ZBTB7C: variants seen among roughly 807,000 people sequenced by gnomAD.
ZBTB7C encodes the protein zinc finger and BTB domain containing 7C.
Under a neutral mutation model 25.7 loss-of-function variants are expected in ZBTB7C, and 8 were observed. The observed-to-expected ratio is 0.31, with a 90% CI of 0.18 to 0.56. ZBTB7C has a LOEUF of 0.56. ZBTB7C is among the 20% of genes least tolerant of loss of function. The pLI is 0.91. For synonymous variants in ZBTB7C, 394 were observed against 369.0 expected, an observed-to-expected ratio of 1.07 and a Z score of -0.78; for missense variants, 824 against 855.2, an observed-to-expected ratio of 0.96 and a Z score of 0.46.
intron 1 of ZBTB7C, among the ~76,000 whole-genome samples, chr18:48,368,880 A>T (rs1383827401): frequency 1.3e-5 from 2 of 152,214 alleles, no homozygotes; most frequent in Non-Finnish European, 2.9e-5. Flanking sequence ...AGGAAAACTA[A>T]GATAATCTGT....
intron 3 of ZBTB7C, among the ~76,000 whole-genome samples, chr18:48,088,009 G>A (rs1195855312): frequency 6.6e-6 from 1 of 152,080 alleles, no homozygotes; most frequent in East Asian, 1.9e-4. Context: ...GTACACAAGT[G>A]TATGTGATCA....
At chr18:48,398,019 T>G (rs1389356225) in intron 1 of ZBTB7C, among the ~76,000 whole-genome samples, 1 of 152,214 alleles carries the variant, frequency 6.6e-6, no homozygotes, top group African/African-American at 2.4e-5. Context: ...AACTTCAGCT[T>G]GTCACCTTCA....
At chr18:48,123,891 G>A (rs1001666010) in intron 3 of ZBTB7C, among the ~76,000 whole-genome samples, 1 of 152,098 alleles carries the variant, frequency 6.6e-6, no homozygotes, top group African/African-American at 2.4e-5. Context: ...TAATGTGAAG[G>A]GTTGTTTCTC....
chr18:48,185,965 A>T lies in ZBTB7C; in HGVS notation c.-48T>A, dbSNP rs1287831668. The T allele has an allele frequency of 1.3e-5, 2 of 152,284 alleles. No individual in the cohort carries two copies. The highest frequency in any genetic ancestry group is 2.9e-5 in the Non-Finnish European group (2 of 68,052). The allele number at this position is 152,284 out of a possible 1,614,324, so 9.4% of individuals were successfully genotyped here. A position where few individuals can be genotyped will look rare whatever the true frequency, so the allele number is the denominator to read the frequency against. On this transcript the variant is annotated 5_prime_UTR_variant, in exon 3 of 5. Transcript: ENST00000590800. ...CGATGCCTTAGTTTTAAATTTCAGG[A>T]CACCAGTTTTTCTGCAAATCTGCTC...
intron 2 of ZBTB7C, among the ~76,000 whole-genome samples, chr18:48,245,279 T>G (rs1430814740): frequency 6.6e-6 from 1 of 150,726 alleles, no homozygotes; most frequent in Admixed American, 6.6e-5. Context: ...GCTATGAGGA[T>G]GCAAAGGCAT....
chr18:48,329,663 T>C (rs1189376443), intron 2 of ZBTB7C, among the ~76,000 whole-genome samples: 1 of 152,182 alleles, frequency 6.6e-6, no homozygotes, highest in Non-Finnish European at 1.5e-5. Flanking sequence ...TGTGCATCTT[T>C]AGTGTTTGAC....
At chr18:48,312,409 T>C (rs965496591) in intron 2 of ZBTB7C, among the ~76,000 whole-genome samples, 5 of 152,198 alleles carry the variant, frequency 3.3e-5, no homozygotes, top group African/African-American at 1.2e-4. Context: ...GTCAGGACTC[T>C]ATTTTACCCC....
At chr18:48,342,113 A>G (rs1363808848) in intron 1 of ZBTB7C, among the ~76,000 whole-genome samples, 2 of 152,258 alleles carry the variant, frequency 1.3e-5, no homozygotes, top group East Asian at 3.9e-4. Flanking sequence ...GCCTTGTGAC[A>G]TCTTTCTTCC....
At chr18:48,215,026 T>C (rs2042788693) in intron 2 of ZBTB7C, among the ~76,000 whole-genome samples, 1 of 152,232 alleles carries the variant, frequency 6.6e-6, no homozygotes, top group African/African-American at 2.4e-5. Flanking sequence ...TTTATAAAAC[T>C]CACAATGTCA....
At chr18:48,048,941 C>T (rs149647252) in intron 3 of ZBTB7C, among the ~76,000 whole-genome samples, 63 of 152,234 alleles carry the variant, frequency 4.1e-4, no homozygotes, top group Non-Finnish European at 5.7e-4. Flanking sequence ...AGGCACAGAA[C>T]GAAGCCCATG....
intron 2 of ZBTB7C, among the ~76,000 whole-genome samples, chr18:48,245,632 C>T (rs1796765881): frequency 6.6e-6 from 1 of 151,922 alleles, no homozygotes. Context: ...AGAATGCGCT[C>T]CATCAAAACA....
At chr18:48,301,948 G>C (rs868569370) in intron 2 of ZBTB7C, among the ~76,000 whole-genome samples, 1 of 152,168 alleles carries the variant, frequency 6.6e-6, no homozygotes, top group Non-Finnish European at 1.5e-5. Flanking sequence ...ACATAAAGGC[G>C]AGAGTCTTCA....
chr18:48,249,582 T>A (rs1276623354), intron 2 of ZBTB7C, among the ~76,000 whole-genome samples: 5 of 152,116 alleles, frequency 3.3e-5, no homozygotes, highest in Non-Finnish European at 5.9e-5. Flanking sequence ...AATATAATAG[T>A]TGGTTTGGGG....
chr18:48,194,806 G>A (rs1173118013), intron 2 of ZBTB7C, among the ~76,000 whole-genome samples: 4 of 151,790 alleles, frequency 2.6e-5, no homozygotes, highest in East Asian at 3.9e-4. Flanking sequence ...ATAGCTGTGG[G>A]GAAGGGAGAA....
chr18:48,245,518 A>C (rs111445090), intron 2 of ZBTB7C, among the ~76,000 whole-genome samples: 3,301 of 145,194 alleles, frequency 0.023, 82 homozygotes, highest in South Asian at 0.11. Context: ...GAAAAAATGA[A>C]TTTTCTATGG....
At chr18:48,317,272 A>G (rs1408727817) in intron 2 of ZBTB7C, among the ~76,000 whole-genome samples, 1 of 151,874 alleles carries the variant, frequency 6.6e-6, no homozygotes, top group Non-Finnish European at 1.5e-5. Context: ...AAAAAAAAAA[A>G]AAAAAAAAAG....
intron 2 of ZBTB7C, among the ~76,000 whole-genome samples, chr18:48,300,303 G>A (rs1044995138): frequency 4.6e-5 from 7 of 152,150 alleles, no homozygotes; most frequent in African/African-American, 1.4e-4. Flanking sequence ...GAGTTCCAGG[G>A]TATATCAATC....
intron 2 of ZBTB7C, among the ~76,000 whole-genome samples, chr18:48,287,537 TA>T (rs1284962173): frequency 6.6e-6 from 1 of 152,056 alleles, no homozygotes; most frequent in Non-Finnish European, 1.5e-5. Context: ...TCCTAGAGCA[TA>T]AAAAATGAAA....
intron 4 of ZBTB7C, among the ~76,000 whole-genome samples, chr18:48,038,203 A>G (rs1169042554): frequency 6.6e-6 from 1 of 152,000 alleles, no homozygotes; most frequent in African/African-American, 2.4e-5. Flanking sequence ...TGCTGTCAGC[A>G]TTGCCGGGTG....
Sources: gnomAD v4.1 joint callset for allele counts (sites outside exome capture counted in the v4.1 genomes callset) on GRCh38, gnomAD v4.1.1 for gene constraint, MANE v1.5 for transcripts, NCBI Gene and HGNC (gene_info 2026-07-23, HGNC 2026-07-21) for gene names.